The following SYT1 variants were observed in gnomAD, a reference collection of about 807,000 sequenced individuals.
SYT1 encodes synaptotagmin 1.
In SYT1, 8 loss-of-function variants were observed where a neutral mutation model predicts 44.8. The ratio of observed to expected loss-of-function variants is 0.18; its 90% CI spans 0.10 to 0.32. SYT1 has a LOEUF of 0.32. SYT1 is among the 10% of genes least tolerant of loss of function. The pLI is 1.00. For missense variants in SYT1, 286 were observed against 509.3 expected (o/e 0.56, Z 4.22); for synonymous variants, 154 against 188.8 (o/e 0.82, Z 1.51).
chr12:78,973,501 G>C (rs542669803), intron 1 of SYT1, among the ~76,000 whole-genome samples: 1 of 152,122 alleles, frequency 6.6e-6, no homozygotes, highest in African/African-American at 2.4e-5. Context: ...CCATTACTGG[G>C]TATATATCCA....
chr12:79,414,382 C>A (rs1868608638), intron 9 of SYT1, among the ~76,000 whole-genome samples: 1 of 151,914 alleles, frequency 6.6e-6, no homozygotes, highest in Admixed American at 6.6e-5. Context: ...TGTGTGTTGG[C>A]AGGTGGGGAC....
chr12:78,989,479 C>A (rs1041287058), intron 2 of SYT1, among the ~76,000 whole-genome samples: 8 of 152,002 alleles, frequency 5.3e-5, no homozygotes, highest in African/African-American at 1.2e-4. Context: ...AGGGCCTAGC[C>A]CCCCCGTTCC....
At chr12:78,914,603 T>TTAAATGCCCTCATTTACACC (rs1300091003) in intron 1 of SYT1, among the ~76,000 whole-genome samples, 2 of 151,936 alleles carry the variant, frequency 1.3e-5, no homozygotes, top group African/African-American at 4.8e-5. Context: ...ATGTTTCCAC[T>TTAAATGCCCTCATTTACACC]TAAATGCCCT....
chr12:78,979,783 T>C (rs1043971688), intron 2 of SYT1, among the ~76,000 whole-genome samples: 2 of 152,106 alleles, frequency 1.3e-5, no homozygotes, highest in African/African-American at 4.8e-5. Context: ...TGCCAAACAA[T>C]GAATGATAGT....
At chr12:79,311,086 T>C (rs947303025) in intron 8 of SYT1, among the ~76,000 whole-genome samples, 5 of 152,280 alleles carry the variant, frequency 3.3e-5, no homozygotes, top group African/African-American at 1.2e-4. Flanking sequence ...CATCCCTGTC[T>C]TGTGCCAGTT....
chr12:79,048,606 T>C (rs1489665453), intron 3 of SYT1, among the ~76,000 whole-genome samples: 1 of 151,938 alleles, frequency 6.6e-6, no homozygotes, highest in Admixed American at 6.6e-5. Flanking sequence ...CAGAAATCTA[T>C]AAAATTTATA....
At chr12:79,039,828 T>G (rs1408266283) in intron 2 of SYT1, among the ~76,000 whole-genome samples, 1 of 137,862 alleles carries the variant, frequency 7.3e-6, no homozygotes, top group Non-Finnish European at 1.5e-5. Flanking sequence ...TGTGTCCATG[T>G]GATCTCATTG....
intron 3 of SYT1, among the ~76,000 whole-genome samples, chr12:79,124,765 A>G (rs1447078881): frequency 6.6e-6 from 1 of 152,188 alleles, no homozygotes; most frequent in Non-Finnish European, 1.5e-5. Flanking sequence ...ATATGAAGTC[A>G]TTTCATGTTT....
intron 3 of SYT1, among the ~76,000 whole-genome samples, chr12:79,115,701 A>C (rs1323608437): frequency 1.3e-5 from 2 of 152,218 alleles, no homozygotes. Context: ...TAGAATATTA[A>C]GTAATTTTTT....
intron 1 of SYT1, among the ~76,000 whole-genome samples, chr12:78,918,364 C>T (rs1876785999): frequency 6.6e-6 from 1 of 151,992 alleles, no homozygotes; most frequent in Non-Finnish European, 1.5e-5. Flanking sequence ...TGTAAAACTG[C>T]CAGCATCAGT....
At chr12:79,026,853 A>T (rs1231690627) in intron 2 of SYT1, among the ~76,000 whole-genome samples, 1 of 150,800 alleles carries the variant, frequency 6.6e-6, no homozygotes, top group Non-Finnish European at 1.5e-5. Context: ...CCACAATGAG[A>T]TTTCACCTCA....
chr12:79,201,617 C>T (rs999999027), intron 3 of SYT1, among the ~76,000 whole-genome samples: 4 of 152,064 alleles, frequency 2.6e-5, no homozygotes, highest in South Asian at 2.1e-4. Context: ...TTTAGTACTG[C>T]GTATCTAAAT....
chr12:79,251,058 T>C (rs908126076), intron 4 of SYT1, among the ~76,000 whole-genome samples: 3 of 152,178 alleles, frequency 2.0e-5, no homozygotes, highest in Non-Finnish European at 2.9e-5. Flanking sequence ...GCAAAATTTC[T>C]ACCCTTCTGT....
chr12:78,981,411 C>T (rs1442345581), intron 2 of SYT1, among the ~76,000 whole-genome samples: 15 of 152,008 alleles, frequency 9.9e-5, no homozygotes, highest in African/African-American at 3.4e-4. Flanking sequence ...CAGGTGAGAG[C>T]CACCATGAGC....
intron 10 of SYT1, among the ~76,000 whole-genome samples, chr12:79,446,101 A>C (rs1870723912): frequency 2.1e-5 from 3 of 145,526 alleles, no homozygotes. Flanking sequence ...GAACTTTATG[A>C]GAAAAGTACT....
intron 1 of SYT1, among the ~76,000 whole-genome samples, chr12:78,907,148 C>T (rs913621645): frequency 1.3e-5 from 2 of 151,750 alleles, no homozygotes; most frequent in African/African-American, 4.8e-5. Context: ...AAAACATTAT[C>T]TTCAGTTGGG....
chr12:79,390,346 C>T (rs1050482529), intron 9 of SYT1, among the ~76,000 whole-genome samples: 8 of 152,076 alleles, frequency 5.3e-5, no homozygotes, highest in Non-Finnish European at 7.4e-5. Flanking sequence ...CTGGGTCAAA[C>T]GACGTTAGTA....
intron 8 of SYT1, among the ~76,000 whole-genome samples, chr12:79,301,766 A>G (rs1201079584): frequency 6.6e-6 from 1 of 152,064 alleles, no homozygotes; most frequent in Admixed American, 6.6e-5. Context: ...GGAGTTATTA[A>G]TGGGAAATAT....
intron 9 of SYT1, among the ~76,000 whole-genome samples, chr12:79,405,614 T>G (rs1401302595): frequency 6.6e-6 from 1 of 152,158 alleles, no homozygotes; most frequent in Non-Finnish European, 1.5e-5. Flanking sequence ...CAATATCTAT[T>G]TCAGTTAAGA....
Sources: allele counts gnomAD v4.1 joint callset (sites outside exome capture counted in the v4.1 genomes callset), GRCh38; gene constraint gnomAD v4.1.1; transcripts MANE v1.5; gene names NCBI Gene and HGNC (gene_info 2026-07-23, HGNC 2026-07-21).